The following ADGRL3 variants were observed in gnomAD, a reference collection of about 807,000 sequenced individuals.
The protein encoded by ADGRL3 is adhesion G protein-coupled receptor L3, also known as calcium-independent alpha-latrotoxin receptor 3.
In ADGRL3, 62 loss-of-function variants were observed where a neutral mutation model predicts 153.5. That is an observed-to-expected ratio of 0.40 (90% CI 0.33 to 0.50). ADGRL3 has a LOEUF of 0.50. ADGRL3 is among the 20% of genes least tolerant of loss of function. The pLI, the probability that ADGRL3 is intolerant of heterozygous loss-of-function variation, is 0.47. For missense variants in ADGRL3, 1,641 were observed against 1,859.4 expected (o/e 0.88, Z 2.16); for synonymous variants, 710 against 672.5 (o/e 1.06, Z -0.86).
chr4:61,386,415 T>C (rs2096736605), intron 2 of ADGRL3, among the ~76,000 whole-genome samples: 2 of 152,140 alleles, frequency 1.3e-5, no homozygotes, highest in Admixed American at 1.3e-4. Context: ...TATTTTGTTT[T>C]GAGGTATAAG....
At chr4:61,550,523 A>C (rs952003260) in intron 4 of ADGRL3, among the ~76,000 whole-genome samples, 4 of 152,090 alleles carry the variant, frequency 2.6e-5, no homozygotes, top group African/African-American at 9.7e-5. Flanking sequence ...ATATTATGGC[A>C]AAACATATTA....
chr4:61,984,972 C>G (rs1188432573), intron 19 of ADGRL3, among the ~76,000 whole-genome samples: 1 of 151,602 alleles, frequency 6.6e-6, no homozygotes, highest in Non-Finnish European at 1.5e-5. Flanking sequence ...TGAGAAGAAT[C>G]AAATTAATAG....
In ADGRL3 at chr4:61,790,387, C is replaced by T. The variant is rs955864230; in HGVS notation, c.1400-23422C>T. ...ATTGTGGGAGATACATCCCAAGACC[C>T]CTAGTGGATGCTTGAAACTGTGGAT... is the stretch of plus-strand genomic sequence containing the variant. On this transcript the variant is annotated intron_variant, in intron 8 of 26. Coordinates refer to ENST00000683033, the MANE Select transcript of ADGRL3 (RefSeq NM_001387552.1). Among the ~76,000 whole-genome samples, 12 of 152,048 alleles carry T rather than the reference C, an allele frequency of 7.9e-5. No homozygotes were observed. In the East Asian group the frequency reaches 2.3e-3, roughly 29 times the overall value.
chr4:61,345,353 G>A (rs2095878938), intron 1 of ADGRL3, among the ~76,000 whole-genome samples: 1 of 151,996 alleles, frequency 6.6e-6, no homozygotes. Flanking sequence ...TAATGACTCT[G>A]AATAAGTAAT....
intron 5 of ADGRL3, among the ~76,000 whole-genome samples, chr4:61,618,584 C>T (rs1198268158): frequency 6.6e-6 from 1 of 152,074 alleles, no homozygotes; most frequent in African/African-American, 2.4e-5. Flanking sequence ...GATGGGATTG[C>T]TTATCTTAGC....
chr4:61,229,968 G>C (rs1749866341), intron 1 of ADGRL3, among the ~76,000 whole-genome samples: 2 of 151,958 alleles, frequency 1.3e-5, no homozygotes, highest in African/African-American at 4.8e-5. Context: ...TAGATAGAAT[G>C]TACTTTAGGA....
rs111275854 is a variant in ADGRL3, at chr4:61,209,534, A to G, written c.-240+7769A>G. ...TTAATTGAAGAGTTCTTGATGAGCT[A>G]GGAAAATCAATAGCATTTTCTTAAG... On this transcript the variant is annotated intron_variant, in intron 1 of 26. Coordinates refer to ENST00000683033, the MANE Select transcript of ADGRL3 (RefSeq NM_001387552.1). 9.9e-3 allele frequency among the ~76,000 whole-genome samples: 1,500 copies of G among 152,276 alleles called. 19 individuals carry two copies. Among genetic ancestry groups the G allele is most frequent in the African/African-American group, 0.034 (1,433 of 41,566 alleles).
At chr4:61,589,196 G>T (rs2098959131) in intron 5 of ADGRL3, among the ~76,000 whole-genome samples, 1 of 151,988 alleles carries the variant, frequency 6.6e-6, no homozygotes, top group Admixed American at 6.6e-5. Context: ...CCCTCCTGGT[G>T]GTTTCACAAA....
At chr4:61,606,839 C>T (rs779544217) in intron 5 of ADGRL3, among the ~76,000 whole-genome samples, 3 of 151,764 alleles carry the variant, frequency 2.0e-5, no homozygotes, top group Non-Finnish European at 2.9e-5. Flanking sequence ...GGTATGAGGA[C>T]CAATTGGAAA....
intron 17 of ADGRL3, among the ~76,000 whole-genome samples, chr4:61,955,147 C>A (rs1379450814): frequency 6.6e-6 from 1 of 152,086 alleles, no homozygotes; most frequent in Non-Finnish European, 1.5e-5. Context: ...AATTTTAATT[C>A]TTTCCTATTT....
At chr4:61,973,001 C>CA (rs1560451252) in intron 17 of ADGRL3, among the ~76,000 whole-genome samples, 1 of 150,628 alleles carries the variant, frequency 6.6e-6, no homozygotes, top group African/African-American at 2.4e-5. Context: ...TTATTTTTTT[C>CA]AAAAAAGAAG....
chr4:61,973,591 T>C (rs1396444812), intron 17 of ADGRL3, among the ~76,000 whole-genome samples: 2 of 152,176 alleles, frequency 1.3e-5, no homozygotes, highest in Non-Finnish European at 2.9e-5. Flanking sequence ...TTTCTGAAAC[T>C]ATCTTCTGAG....
chr4:61,836,446 C>A (rs993240526), intron 9 of ADGRL3, among the ~76,000 whole-genome samples: 1 of 151,812 alleles, frequency 6.6e-6, no homozygotes, highest in Non-Finnish European at 1.5e-5. Context: ...TATTTTTTTT[C>A]TGTGATTTAG....
chr4:61,486,816 TGA>T (rs901771609), intron 2 of ADGRL3, among the ~76,000 whole-genome samples: 13 of 152,186 alleles, frequency 8.5e-5, no homozygotes, highest in Non-Finnish European at 1.9e-4. Flanking sequence ...GCTTGCCTTC[TGA>T]GATCCTGGAA....
At chr4:61,542,529 G>A (rs1219813118) in intron 4 of ADGRL3, among the ~76,000 whole-genome samples, 3 of 151,986 alleles carry the variant, frequency 2.0e-5, no homozygotes, top group Non-Finnish European at 4.4e-5. Flanking sequence ...GTATTTTCTC[G>A]TTTTATCCAT....
At chr4:61,547,521 C>T (rs2098719427) in intron 4 of ADGRL3, among the ~76,000 whole-genome samples, 1 of 152,122 alleles carries the variant, frequency 6.6e-6, no homozygotes, top group East Asian at 1.9e-4. Flanking sequence ...ATTTGGTTTT[C>T]TGTTCCTGTG....
At chr4:61,559,729 C>T (rs1051017660) in intron 4 of ADGRL3, among the ~76,000 whole-genome samples, 1 of 151,960 alleles carries the variant, frequency 6.6e-6, no homozygotes, top group African/African-American at 2.4e-5. Context: ...TTGTGTCTCT[C>T]TTCTCTATTT....
chr4:61,607,926 C>A (rs920732377), intron 5 of ADGRL3, among the ~76,000 whole-genome samples: 2 of 152,090 alleles, frequency 1.3e-5, no homozygotes, highest in African/African-American at 4.8e-5. Context: ...TTTCTAAGAG[C>A]CAGAACAGCC....
intron 10 of ADGRL3, among the ~76,000 whole-genome samples, chr4:61,894,005 C>T (rs1443664646): frequency 6.6e-6 from 1 of 152,182 alleles, no homozygotes; most frequent in East Asian, 1.9e-4. Flanking sequence ...GCCACTGCGC[C>T]TGGCCTTCTT....
Sources: allele counts gnomAD v4.1 joint callset (sites outside exome capture counted in the v4.1 genomes callset), GRCh38; gene constraint gnomAD v4.1.1; transcripts MANE v1.5; gene names NCBI Gene and HGNC (gene_info 2026-07-23, HGNC 2026-07-21).